Variants in GLIPR2 observed in about 807,000 individuals in gnomAD.
The protein encoded by GLIPR2 is Golgi-associated plant pathogenesis-related protein 1.
In GLIPR2, 21 loss-of-function variants were observed where a neutral mutation model predicts 20.4. The observed-to-expected ratio is 1.03, with a 90% CI of 0.73 to 1.48. The LOEUF is 1.48. Ranked by LOEUF, GLIPR2 falls within the 40% of genes most tolerant of loss-of-function variation. The pLI, the probability that GLIPR2 is intolerant of heterozygous loss-of-function variation, is 0.00. For missense variants in GLIPR2, 205 were observed against 200.1 expected, an observed-to-expected ratio of 1.02 and a Z score of -0.15; for synonymous variants, 91 against 80.5, an observed-to-expected ratio of 1.13 and a Z score of -0.70.
Position 36,150,964 on chromosome 9 carries a change from C to T in GLIPR2, c.304+15C>T. The stretch of plus-strand genomic sequence containing the variant: ...CTCGGGGACTGGTGAGTGGCAGGGT[C>T]TCACCAGTGGCCTGGCCCTGGGCAG... On this transcript the variant is annotated intron_variant, in intron 4 of 4. Coordinates refer to ENST00000377960, the MANE Select transcript of GLIPR2 (RefSeq NM_022343.4). 2 of 1,598,472 alleles carry T rather than the reference C, an allele frequency of 1.3e-6. No homozygotes were observed. Among genetic ancestry groups the T allele is most frequent in the South Asian group, 1.1e-5 (1 of 90,710 alleles).
In GLIPR2 at chr9:36,162,601, C is replaced by A. The variant is rs967051000; in HGVS notation, c.*79C>A. The stretch of plus-strand genomic sequence containing the variant: ...CTAGAACCACCACAACCTGGCTGTG[C>A]GTCTGTCCCTGTGGGTGTATGTGCT... On this transcript the variant is annotated 3_prime_UTR_variant, in exon 5 of 5. Coordinates refer to ENST00000377960, the MANE Select transcript of GLIPR2 (RefSeq NM_022343.4). 2.8e-6 allele frequency: 4 copies of A among 1,418,024 alleles called. No homozygotes were observed. Among genetic ancestry groups the A allele is most frequent in the African/African-American group, 2.8e-5 (2 of 70,580 alleles). 87.8% of individuals were successfully genotyped at this position (1,418,024 alleles called of 1,614,324 possible). A position where few individuals can be genotyped will look rare whatever the true frequency, so the allele number is the denominator to read the frequency against.
chr9:36,145,866 T>G (rs1301196933), intron 1 of GLIPR2, among the ~76,000 whole-genome samples: 1 of 152,178 alleles, frequency 6.6e-6, no homozygotes, highest in Non-Finnish European at 1.5e-5. Flanking sequence ...CTATTGATCT[T>G]GCTTGCTTTT....
rs368794540 is a variant in GLIPR2 at position 36,159,046 on chromosome 9, CAG to C, written c.305-3308_305-3307del. Among the ~76,000 whole-genome samples the C allele has an allele frequency of 4.7e-3, 713 of 152,140 alleles. 4 individuals carry two copies. The highest frequency in any genetic ancestry group is 0.016 in the African/African-American group (681 of 41,488). On this transcript the variant is annotated intron_variant, in intron 4 of 4. Transcript: ENST00000377960. The stretch of plus-strand genomic sequence containing the variant: ...CGCCACTGCACTCCAGCCTAGACAA[CAG>C]AGAGAGACTCTGTCTCAAAAAAAAA...
chr9:36,150,976 C>T, intron 4 of GLIPR2, 27 bp downstream of exon 4: 1 of 1,553,044 alleles, frequency 6.4e-7, no homozygotes, highest in Non-Finnish European at 8.9e-7. Context: ...CACCAGTGGC[C>T]TGGCCCTGGG....
intron 1 of GLIPR2, among the ~76,000 whole-genome samples, chr9:36,141,185 A>G (rs1825061289): frequency 6.6e-6 from 1 of 152,170 alleles, no homozygotes. Flanking sequence ...CTTGTGAGGT[A>G]GATACTGCTG....
chr9:36,162,141 C>T lies in GLIPR2; in HGVS notation c.305-221C>T, dbSNP rs1826082746. On this transcript the variant is annotated intron_variant, in intron 4 of 4. Coordinates refer to ENST00000377960, the MANE Select transcript of GLIPR2 (RefSeq NM_022343.4). ...AGTGAGCCAAGATCATGCCACTGCA[C>T]TCCAGCCTGGGTTACAGAGCGAGAC... 5.2e-6 allele frequency: 6 copies of T among 1,147,886 alleles called. No individual in the cohort carries two copies. The East Asian group carries it at 9.2e-5, about 18-fold the overall frequency. 71.1% of individuals were successfully genotyped at this position (1,147,886 alleles called of 1,614,324 possible).
intron 4 of GLIPR2, among the ~76,000 whole-genome samples, chr9:36,158,112 C>T (rs1008174806): frequency 2.0e-5 from 3 of 152,232 alleles, no homozygotes; most frequent in East Asian, 1.9e-4. Flanking sequence ...TGCGCCCGAC[C>T]GGGCTATGTG....
intron 4 of GLIPR2, among the ~76,000 whole-genome samples, chr9:36,158,011 T>A (rs2132783111): frequency 6.6e-6 from 1 of 151,914 alleles, no homozygotes. Flanking sequence ...CGGGGTTTCA[T>A]CACATTGGCC....
chr9:36,149,262 A>G (rs1036060684), intron 3 of GLIPR2, among the ~76,000 whole-genome samples: 1 of 152,206 alleles, frequency 6.6e-6, no homozygotes, highest in Non-Finnish European at 1.5e-5. Context: ...CTTTTTAGGA[A>G]GAATATTGGA....
chr9:36,141,410 G>C (rs932478770), intron 1 of GLIPR2, among the ~76,000 whole-genome samples: 6 of 151,286 alleles, frequency 4.0e-5, no homozygotes, highest in African/African-American at 1.5e-4. Flanking sequence ...AGCAAAACCA[G>C]CTTTGCCCCG....
At chr9:36,141,126 C>T (rs1165924785) in intron 1 of GLIPR2, among the ~76,000 whole-genome samples, 5 of 152,196 alleles carry the variant, frequency 3.3e-5, no homozygotes, top group African/African-American at 1.2e-4. Flanking sequence ...TATTCCAGAA[C>T]AGTTCGAAAG....
Position 36,148,651 on chromosome 9 carries a change from G to C in GLIPR2, c.226+1G>C. 1 of 1,605,432 alleles carries C rather than the reference G, an allele frequency of 6.2e-7. No individual in the cohort carries two copies. The highest frequency in any genetic ancestry group is 8.5e-7 in the Non-Finnish European group (1 of 1,172,642). On this transcript the variant is annotated splice_donor_variant, in intron 3 of 4. Coordinates refer to ENST00000377960, the MANE Select transcript of GLIPR2 (RefSeq NM_022343.4). LOFTEE classifies it high-confidence loss of function. The stretch of plus-strand genomic sequence containing the variant: ...GCATGGGCATCCTATGATCAGACAG[G>C]TGGGTCGCATTTTCAGCTCCTCTCC...
chr9:36,156,960 A>G (rs1487583612), intron 4 of GLIPR2, among the ~76,000 whole-genome samples: 19 of 152,116 alleles, frequency 1.2e-4, no homozygotes, highest in Non-Finnish European at 2.6e-4. Flanking sequence ...TCATGTTTTC[A>G]AGGTTTACCC....
intron 4 of GLIPR2, among the ~76,000 whole-genome samples, chr9:36,151,605 G>T (rs1019253642): frequency 2.6e-5 from 4 of 152,178 alleles, no homozygotes; most frequent in Non-Finnish European, 4.4e-5. Context: ...CTTCCCAGGG[G>T]AGAGGGAGAA....
intron 2 of GLIPR2, among the ~76,000 whole-genome samples, chr9:36,148,285 G>T (rs1052958290): frequency 1.2e-4 from 18 of 151,288 alleles, no homozygotes; most frequent in Middle Eastern, 3.5e-3. Flanking sequence ...GCATGGTTTT[G>T]GGGACCGGGT....
intron 3 of GLIPR2, 25 bp from the exon 4 acceptor site, chr9:36,150,847 T>C (rs1403017219): frequency 6.3e-7 from 1 of 1,584,722 alleles, no homozygotes; most frequent in Non-Finnish European, 8.7e-7. Flanking sequence ...TGGCTGAGTT[T>C]TAGAACAATG....
chr9:36,151,004 T>C, intron 4 of GLIPR2, 55 bp downstream of exon 4: 1 of 1,215,880 alleles, frequency 8.2e-7, no homozygotes, highest in Non-Finnish European at 1.2e-6. Context: ...GCAGGTTGGG[T>C]GTCTGACTTC....
At chr9:36,156,408 A>G (rs899187665) in intron 4 of GLIPR2, among the ~76,000 whole-genome samples, 6 of 150,518 alleles carry the variant, frequency 4.0e-5, no homozygotes, top group South Asian at 2.1e-4. Context: ...AAAAAAAAAA[A>G]AAAAGAAATT....
chr9:36,148,810 A>T (rs1040737586), intron 3 of GLIPR2, among the ~76,000 whole-genome samples, 160 bp downstream of exon 3: 22 of 152,264 alleles, frequency 1.4e-4, no homozygotes, highest in African/African-American at 4.8e-4. Flanking sequence ...GGCTGACTTC[A>T]GTTCACCACA....
Sources: allele counts gnomAD v4.1 joint callset (sites outside exome capture counted in the v4.1 genomes callset), GRCh38; gene constraint gnomAD v4.1.1; transcripts MANE v1.5; gene names NCBI Gene and HGNC (gene_info 2026-07-23, HGNC 2026-07-21).